Variants in CFAP119 observed in about 807,000 individuals in gnomAD.
CFAP119 encodes the protein cilia- and flagella-associated protein 119.
At chr16:30,759,022 C>T in the CFAP119 span, 1 of 1,614,236 alleles carries the variant, frequency 6.2e-7, no homozygotes, top group East Asian at 2.2e-5. Context: ...TTGGCTCTGG[C>T]TCTGGTGGGG....
chr16:30,757,720 C>G, the CFAP119 span: 1 of 1,524,684 alleles, frequency 6.6e-7, no homozygotes, highest in Non-Finnish European at 8.8e-7. Context: ...GGGATGGTCC[C>G]TAGTTGGGCA....
chr16:30,759,630 C>A, the CFAP119 span: 1 of 1,613,958 alleles, frequency 6.2e-7, no homozygotes, highest in African/African-American at 1.3e-5. Context: ...GGTAAAGTTT[C>A]CAGAATGTTC....
chr16:30,760,821 G>A, the CFAP119 span: 2 of 702,738 alleles, frequency 2.8e-6, no homozygotes, highest in East Asian at 2.7e-5. Flanking sequence ...TAACTCTCTG[G>A]GCCTAAATGA....
the CFAP119 span, chr16:30,761,141 TG>T: frequency 5.9e-4 from 943 of 1,591,170 alleles, 3 homozygotes; most frequent in African/African-American, 8.3e-3. Context: ...ACAGGACTGT[TG>T]GGGAGACAAT....
chr16:30,760,151 T>G, the CFAP119 span: 1 of 1,578,448 alleles, frequency 6.3e-7, no homozygotes, highest in Non-Finnish European at 8.6e-7. Flanking sequence ...AGCTGATGGC[T>G]TGTGTATGAT....
chr16:30,761,721 A>G, the CFAP119 span: 6 of 1,529,086 alleles, frequency 3.9e-6, no homozygotes, highest in Non-Finnish European at 5.3e-6. Flanking sequence ...CTCATTCCCA[A>G]AAAGTGGCTG....
the CFAP119 span, chr16:30,760,676 A>C: frequency 3.3e-6 from 5 of 1,523,076 alleles, no homozygotes; most frequent in Non-Finnish European, 4.4e-6. Context: ...TTCCTGTTAT[A>C]GTAAAAGAAA....
the CFAP119 span, chr16:30,759,544 G>A: frequency 4.3e-6 from 7 of 1,614,008 alleles, no homozygotes; most frequent in Non-Finnish European, 5.1e-6. Context: ...GGAGCAAGGA[G>A]AGCCCACTGG....
chr16:30,757,584 C>T, the CFAP119 span: 7 of 1,614,078 alleles, frequency 4.3e-6, no homozygotes, highest in Admixed American at 5.0e-5. Context: ...GCTCCTCCAC[C>T]AGCCCCTGGA....
the CFAP119 span, chr16:30,759,410 A>G: frequency 6.2e-7 from 1 of 1,614,236 alleles, no homozygotes; most frequent in Non-Finnish European, 8.5e-7. Flanking sequence ...TAGTCTTCCA[A>G]GGCCAGCAGC....
chr16:30,760,543 T>G, the CFAP119 span: 1 of 1,598,452 alleles, frequency 6.3e-7, no homozygotes, highest in African/African-American at 1.3e-5. Flanking sequence ...ATTCCTCATG[T>G]TTTCCCAACC....
At chr16:30,757,540 TTGC>T in the CFAP119 span, 2 of 1,614,262 alleles carry the variant, frequency 1.2e-6, no homozygotes, top group South Asian at 2.2e-5. Context: ...TGCAGTCAAC[TTGC>T]TGCTGAGCCT....
chr16:30,759,862 T>G, the CFAP119 span: 7 of 1,459,418 alleles, frequency 4.8e-6, no homozygotes, highest in Non-Finnish European at 6.3e-6. Flanking sequence ...CCTTAACTCA[T>G]GTAACAAATA....
At chr16:30,757,571 G>A in the CFAP119 span, 3 of 1,614,196 alleles carry the variant, frequency 1.9e-6, no homozygotes, top group Non-Finnish European at 2.5e-6. Flanking sequence ...CTGGCCTTGA[G>A]CCGCTCCTCC....
the CFAP119 span, chr16:30,761,618 G>T: frequency 6.5e-7 from 1 of 1,536,100 alleles, no homozygotes; most frequent in Non-Finnish European, 8.7e-7. Flanking sequence ...CCGCACACTC[G>T]CACGCGTCCG....
the CFAP119 span, chr16:30,759,958 G>A: frequency 3.5e-6 from 5 of 1,447,648 alleles, no homozygotes; most frequent in African/African-American, 1.4e-5. Context: ...TTATATTCTA[G>A]GGGAATAAAC....
At chr16:30,757,960 A>G in the CFAP119 span, 1 of 469,452 alleles carries the variant, frequency 2.1e-6, no homozygotes, top group Non-Finnish European at 3.3e-6. Context: ...TACCTAGCAC[A>G]TAGGATTGAG....
At chr16:30,759,481 G>A in the CFAP119 span, 2 of 1,614,096 alleles carry the variant, frequency 1.2e-6, no homozygotes, top group Non-Finnish European at 1.7e-6. Context: ...CTCGGAATTA[G>A]AACCCTGACT....
chr16:30,760,279 C>G, the CFAP119 span: 8 of 1,614,168 alleles, frequency 5.0e-6, no homozygotes, highest in South Asian at 3.3e-5. Context: ...GCTGCCCCCT[C>G]TCACCAATAC....
Sources: gnomAD v4.1 joint callset for allele counts on GRCh38, gnomAD v4.1.1 for gene constraint, MANE v1.5 for transcripts, NCBI Gene and HGNC (gene_info 2026-07-23, HGNC 2026-07-21) for gene names.